UBE2E2: variants seen among roughly 807,000 people sequenced by gnomAD.
UBE2E2 encodes ubiquitin-conjugating enzyme E2 E2.
Under a neutral mutation model 24.7 loss-of-function variants are expected in UBE2E2, and 6 were observed. That is an observed-to-expected ratio of 0.24 (90% CI 0.13 to 0.48). UBE2E2 has a LOEUF of 0.48. Among genes scored for constraint, UBE2E2 ranks in the 20% least tolerant of loss-of-function variants. The probability of loss-of-function intolerance (pLI) is 0.99; values close to 1 mark genes in which losing one functional copy is unlikely to be tolerated. For synonymous variants in UBE2E2, 104 were observed against 83.6 expected (o/e 1.24, Z -1.33); for missense variants, 169 against 245.0 (o/e 0.69, Z 2.07).
intron 4 of UBE2E2, among the ~76,000 whole-genome samples, chr3:23,504,616 T>C (rs998981912): frequency 6.6e-6 from 1 of 152,204 alleles, no homozygotes; most frequent in South Asian, 2.1e-4. Context: ...TAAGTCTTTT[T>C]TACTGGCAAT....
At position 23,583,257 on chromosome 3, in the gene UBE2E2, C is replaced by T. The variant is rs1004433686; in HGVS notation, c.509-6477C>T. ...TGGTCGTAAATATGTGGCATTATTT[C>T]TGGGCTCTTTATTTTGTTCCACTAG... On this transcript the variant is annotated intron_variant, in intron 5 of 5. Coordinates refer to ENST00000396703, the MANE Select transcript of UBE2E2 (RefSeq NM_152653.4). This position sits in a 1 kb window ranked among gnomAD's most constrained non-coding sequence, Gnocchi z 4.1. 6.6e-6 allele frequency among the ~76,000 whole-genome samples: 1 copy of T among 152,092 alleles called. No individual in the cohort carries two copies. Among genetic ancestry groups the T allele is most frequent in the African/African-American group, 2.4e-5 (1 of 41,420 alleles).
rs535084005 is a variant in UBE2E2, at chr3:23,252,914, T to A, written c.227+35602T>A. 2.6e-5 allele frequency among the ~76,000 whole-genome samples: 4 copies of A among 152,360 alleles called. No individual in the cohort carries two copies. The East Asian group carries it at 5.8e-4, about 22-fold the overall frequency. ...ATTTTACTTTCATATCTAAATTGAT[T>A]AATCAGCTTGTAAAGAGACTAGTAA... On this transcript the variant is annotated intron_variant, in intron 3 of 5. Coordinates refer to ENST00000396703, the MANE Select transcript of UBE2E2 (RefSeq NM_152653.4).
chr3:23,355,855 A>T (rs943443205), intron 3 of UBE2E2, among the ~76,000 whole-genome samples: 1 of 152,258 alleles, frequency 6.6e-6, no homozygotes, highest in Non-Finnish European at 1.5e-5. Flanking sequence ...CAGTCTATGC[A>T]GTTCGTACAT....
intron 3 of UBE2E2, among the ~76,000 whole-genome samples, chr3:23,492,138 C>G (rs1048633515): frequency 3.9e-5 from 6 of 152,108 alleles, no homozygotes; most frequent in African/African-American, 1.4e-4. Flanking sequence ...GAGTAGAACC[C>G]TAAATTAGAG....
chr3:23,488,146 A>T (rs562138273), intron 3 of UBE2E2, among the ~76,000 whole-genome samples: 77 of 152,192 alleles, frequency 5.1e-4, no homozygotes, highest in Non-Finnish European at 9.6e-4. Context: ...TAGATATTTA[A>T]CCTACCTTGG....
At chr3:23,207,367 G>A (rs1399401090) in intron 1 of UBE2E2, among the ~76,000 whole-genome samples, 1 of 152,030 alleles carries the variant, frequency 6.6e-6, no homozygotes, top group African/African-American at 2.4e-5. Flanking sequence ...TGCTTGGGGG[G>A]CCTGAACTCA....
chr3:23,367,487 G>C (rs11915691), intron 3 of UBE2E2, among the ~76,000 whole-genome samples: 1 of 152,090 alleles, frequency 6.6e-6, no homozygotes, highest in African/African-American at 2.4e-5. Context: ...ATAATAACTC[G>C]AAGGGTTTGG....
chr3:23,411,673 G>A (rs929914053), intron 3 of UBE2E2, among the ~76,000 whole-genome samples: 1 of 152,120 alleles, frequency 6.6e-6, no homozygotes, highest in African/African-American at 2.4e-5. Context: ...TGATAAAAAT[G>A]CCCTAGTTGT....
intron 3 of UBE2E2, among the ~76,000 whole-genome samples, chr3:23,252,487 T>TA (rs1262664849): frequency 2.0e-5 from 3 of 152,054 alleles, no homozygotes; most frequent in Non-Finnish European, 4.4e-5. Context: ...AAAACAAGAT[T>TA]AAAAAAAATT....
At chr3:23,514,264 GT>G (rs1553617149) in intron 4 of UBE2E2, among the ~76,000 whole-genome samples, 1 of 152,210 alleles carries the variant, frequency 6.6e-6, no homozygotes, top group Non-Finnish European at 1.5e-5. Context: ...TGCCACACTA[GT>G]TGTTGCTGTC....
chr3:23,255,474 G>C (rs1349217433), intron 3 of UBE2E2, among the ~76,000 whole-genome samples: 1 of 152,074 alleles, frequency 6.6e-6, no homozygotes, highest in Non-Finnish European at 1.5e-5. Context: ...AAAAGATACA[G>C]GCTTACTATT....
At chr3:23,437,366 G>C (rs2125405307) in intron 3 of UBE2E2, among the ~76,000 whole-genome samples, 1 of 152,246 alleles carries the variant, frequency 6.6e-6, no homozygotes, top group Admixed American at 6.5e-5. Flanking sequence ...TAATACCTGT[G>C]TAATTTTTCC....
chr3:23,357,650 G>C (rs191818078), intron 3 of UBE2E2, among the ~76,000 whole-genome samples: 2 of 152,000 alleles, frequency 1.3e-5, no homozygotes, highest in South Asian at 2.1e-4. Context: ...AGCAGCTTCT[G>C]TTTCCAGAAA....
At chr3:23,257,476 C>T (rs1697759881) in intron 3 of UBE2E2, among the ~76,000 whole-genome samples, 1 of 122,164 alleles carries the variant, frequency 8.2e-6, no homozygotes, top group Admixed American at 1.1e-4. Flanking sequence ...TTGCTTAAGA[C>T]GGGTTTAATA....
At chr3:23,237,576 A>G (rs1697146404) in intron 3 of UBE2E2, among the ~76,000 whole-genome samples, 2 of 152,152 alleles carry the variant, frequency 1.3e-5, no homozygotes, top group African/African-American at 4.8e-5. Context: ...TTTTATTATT[A>G]AATTAAATAA....
intron 2 of UBE2E2, 57 bp from the exon 3 acceptor site, chr3:23,217,201 GAAAT>G: frequency 7.1e-7 from 1 of 1,416,804 alleles, no homozygotes. Context: ...ACGTTTTAAT[GAAAT>G]AAATTGTTAA....
chr3:23,517,677 C>CA (rs1221582932), intron 4 of UBE2E2, among the ~76,000 whole-genome samples: 2 of 152,050 alleles, frequency 1.3e-5, no homozygotes, highest in African/African-American at 4.8e-5. Flanking sequence ...AGCCTGTCTA[C>CA]AAAAAATTTA....
intron 3 of UBE2E2, among the ~76,000 whole-genome samples, chr3:23,227,382 G>A (rs1231493330): frequency 6.6e-6 from 1 of 152,120 alleles, no homozygotes; most frequent in Non-Finnish European, 1.5e-5. Context: ...TTCGAGGGAG[G>A]CATATTATTG....
chr3:23,446,833 C>T (rs927451956), intron 3 of UBE2E2, among the ~76,000 whole-genome samples: 2 of 149,570 alleles, frequency 1.3e-5, no homozygotes, highest in African/African-American at 2.5e-5. Context: ...TGGGTCAAAA[C>T]TTTATTAATT....
Sources: gnomAD v4.1 joint callset for allele counts (sites outside exome capture counted in the v4.1 genomes callset) on GRCh38, gnomAD v4.1.1 for gene constraint, Gnocchi (gnomAD v3.1) non-coding constraint, MANE v1.5 for transcripts, NCBI Gene and HGNC (gene_info 2026-07-23, HGNC 2026-07-21) for gene names.